The following STXBP5 variants were observed in gnomAD, a reference collection of about 807,000 sequenced individuals.
STXBP5 encodes the protein syntaxin-binding protein 5.
A neutral mutation model predicts 152.4 loss-of-function variants in STXBP5; 50 were observed. The observed-to-expected ratio is 0.33, with a 90% confidence interval of 0.26 to 0.42. The LOEUF (loss-of-function observed/expected upper bound fraction) is 0.42, where lower values mean the gene tolerates loss of function less well. STXBP5 is among the 10% of genes least tolerant of loss of function. The probability of loss-of-function intolerance (pLI) is 1.00; values close to 1 mark genes in which losing one functional copy is unlikely to be tolerated. For synonymous variants in STXBP5, 492 were observed against 494.7 expected (o/e 0.99, Z 0.07); for missense variants, 1,167 against 1,388.6 (o/e 0.84, Z 2.54).
Position 147,222,061 on chromosome 6 carries a change from TCTTTA to T in STXBP5, c.249-13185_249-13181del, listed in dbSNP as rs147722671. ...CTACTATGGAGTCTGTCAAAGGCAT[TCTTTA>T]CTTCTGTTAAAGTGTTTTTGGATTC... On this transcript the variant is annotated intron_variant, in intron 2 of 27. Coordinates refer to ENST00000321680, the MANE Select transcript of STXBP5 (RefSeq NM_001127715.4). 8.1e-3 allele frequency among the ~76,000 whole-genome samples: 1,226 copies of T among 152,292 alleles called. 18 individuals are homozygous for T. Among genetic ancestry groups the T allele is most frequent in the African/African-American group, 0.028 (1,177 of 41,544 alleles).
At chr6:147,206,102 A>G (rs1450680967) in intron 2 of STXBP5, 34 bp downstream of exon 2, 3 of 1,575,386 alleles carry the variant, frequency 1.9e-6, no homozygotes, top group South Asian at 1.1e-5. Context: ...TTTAACTTCT[A>G]CTTTGTTCTC....
intron 2 of STXBP5, among the ~76,000 whole-genome samples, chr6:147,229,129 C>T (rs886472441): frequency 1.3e-5 from 2 of 151,982 alleles, no homozygotes; most frequent in African/African-American, 2.4e-5. Flanking sequence ...TTTTCTCCTC[C>T]TGTGCTGCAT....
chr6:147,224,026 C>T (rs1350605356), intron 2 of STXBP5, among the ~76,000 whole-genome samples: 2 of 152,194 alleles, frequency 1.3e-5, no homozygotes, highest in African/African-American at 4.8e-5. Context: ...AGTTCCAGGT[C>T]TTGAGTTATG....
At chr6:147,255,723 G>A (rs554697534) in intron 4 of STXBP5, among the ~76,000 whole-genome samples, 9 of 152,064 alleles carry the variant, frequency 5.9e-5, no homozygotes, top group East Asian at 5.8e-4. Flanking sequence ...ATATTGCCCC[G>A]GGCTCATCTT....
At chr6:147,301,663 C>T (rs1781823677) in intron 9 of STXBP5, among the ~76,000 whole-genome samples, 1 of 152,174 alleles carries the variant, frequency 6.6e-6, no homozygotes, top group South Asian at 2.1e-4. Flanking sequence ...GTCTTAATCC[C>T]CAAATCTCAC....
chr6:147,253,827 G>A (rs752360097), intron 4 of STXBP5, among the ~76,000 whole-genome samples: 1 of 152,126 alleles, frequency 6.6e-6, no homozygotes. Flanking sequence ...ATTCCATGCT[G>A]ATGGATAGGA....
At position 147,204,632 on chromosome 6, in the gene STXBP5, G is replaced by A; in HGVS notation, c.100G>A (p.Glu34Lys). Residue 34 changes from glutamate to lysine, a missense_variant, in exon 1 of 28, where the codon GAG (glutamate) becomes AAG (lysine). By Grantham distance (56) the Glu-to-Lys change is moderately conservative. This residue lies in a region of STXBP5 where 310 missense variants were observed against 346.1 expected (regional missense o/e 0.90). Transcript: ENST00000321680. This position sits in a 1 kb window ranked among gnomAD's most constrained non-coding sequence, Gnocchi z 4.3. ...GCAGCAGCATCCGCCTGGGAACCGG[G>A]AGCCGGAGATCCAGGAAACGCTCCA... is the stretch of plus-strand genomic sequence containing the variant. ...QQQQHPPGNR[E>K]PEIQETLQSE... 6.2e-7 allele frequency: 1 copy of A among 1,610,826 alleles called. No individual in the cohort carries two copies. The highest frequency in any genetic ancestry group is 8.5e-7 in the Non-Finnish European group (1 of 1,178,364).
At chr6:147,209,704 C>T (rs1776751955) in intron 2 of STXBP5, among the ~76,000 whole-genome samples, 2 of 152,088 alleles carry the variant, frequency 1.3e-5, no homozygotes, top group Non-Finnish European at 2.9e-5. Flanking sequence ...ATTTGGGGCT[C>T]TACTGACATT....
In STXBP5 at chr6:147,316,380, G is replaced by T. The variant is rs1462087441; in HGVS notation, c.1775G>T (p.Gly592Val). The T allele has an allele frequency of 1.3e-6, 2 of 1,571,032 alleles. No individual in the cohort carries two copies. The change falls in exon 16 of 28, where the codon GGG (glycine) becomes GTG (valine). Residue 592 changes from glycine (G) to valine (V), a missense_variant. Gly to Val is a moderately radical substitution (Grantham distance 109). Coordinates refer to ENST00000321680, the MANE Select transcript of STXBP5 (RefSeq NM_001127715.4). ...HPSTSSSSSD[G>V]LRDNVPCLKV... ...TCTACCAGTAGCAGTTCATCTGATG[G>T]GCTTCGTGATAATGTACCTTGTTTA...
At position 147,205,371 on chromosome 6, in the gene STXBP5, C is replaced by CATATATATATATATAT. The variant is rs66619063; in HGVS notation, c.151-588_151-573dup. Reference sequence around the variant, plus strand: ...TATGTCAGAGTTAATTAAAAGTGTGCATATATATATATATATATATATATA... The same window carrying CATATATATATATATAT: ...TATGTCAGAGTTAATTAAAAGTGTGCATATATATATATATATATATATATATATATATATATATATA... On this transcript the variant is annotated intron_variant, in intron 1 of 27. Coordinates refer to ENST00000321680, the MANE Select transcript of STXBP5 (RefSeq NM_001127715.4). Among the ~76,000 whole-genome samples the CATATATATATATATAT allele has an allele frequency of 5.0e-3, 714 of 141,766 alleles. 5 individuals are homozygous for CATATATATATATATAT. Among genetic ancestry groups the CATATATATATATATAT allele is most frequent in the Non-Finnish European group, 8.0e-3 (515 of 64,652 alleles). The allele number at this position is 141,766 out of a possible 152,430, so 93.0% of individuals were successfully genotyped here.
At chr6:147,206,168 G>A (rs1409278324) in intron 2 of STXBP5, 100 bp downstream of exon 2, 5 of 990,580 alleles carry the variant, frequency 5.0e-6, no homozygotes, top group Non-Finnish European at 7.6e-6. Flanking sequence ...TTTCCTGTTG[G>A]TGTGATTAGA....
At chr6:147,368,293 A>G (rs980530296) in intron 25 of STXBP5, among the ~76,000 whole-genome samples, 5 of 152,170 alleles carry the variant, frequency 3.3e-5, no homozygotes, top group African/African-American at 9.6e-5. Context: ...GAATTCAGCA[A>G]TATATCAAAG....
intron 6 of STXBP5, among the ~76,000 whole-genome samples, chr6:147,263,076 G>A (rs1779717316): frequency 6.6e-6 from 1 of 151,910 alleles, no homozygotes; most frequent in African/African-American, 2.4e-5. Flanking sequence ...ATTTTGTGCA[G>A]GAGTTTAACC....
rs1409857265 is a variant in STXBP5, at chr6:147,300,274, CATT to C, written c.917+9103_917+9105del. Among the ~76,000 whole-genome samples, 9 of 152,128 alleles carry C rather than the reference CATT, an allele frequency of 5.9e-5. No individual in the cohort carries two copies. The East Asian group carries it at 7.7e-4, about 13-fold the overall frequency. Reference sequence around the variant, plus strand: ...TGTATTTCCTATCAAAAACCAATGACATTGTTGACAAAAATAGGAAACTTTCTA... The same window carrying C: ...TGTATTTCCTATCAAAAACCAATGACGTTGACAAAAATAGGAAACTTTCTA... On this transcript the variant is annotated intron_variant, in intron 9 of 27. Coordinates refer to ENST00000321680, the MANE Select transcript of STXBP5 (RefSeq NM_001127715.4).
chr6:147,239,347 G>A lies in STXBP5; in HGVS notation c.431+77G>A. 4 of 1,258,516 alleles carry A rather than the reference G, an allele frequency of 3.2e-6. 1 individual carries two copies. Among genetic ancestry groups the A allele is most frequent in the Middle Eastern group, 1.9e-4 (1 of 5,264 alleles). 78.0% of individuals were successfully genotyped at this position (1,258,516 alleles called of 1,614,324 possible). A position where few individuals can be genotyped will look rare whatever the true frequency, so the allele number is the denominator to read the frequency against. ...CTTGAATTTCAGTCTTTGATTTTTTGTGTGTGATGGACCTTATGCACAATC... is the reference window on the plus strand; with the variant it reads ...CTTGAATTTCAGTCTTTGATTTTTTATGTGTGATGGACCTTATGCACAATC... On this transcript the variant is annotated intron_variant, in intron 4 of 27. Coordinates refer to ENST00000321680, the MANE Select transcript of STXBP5 (RefSeq NM_001127715.4).
intron 6 of STXBP5, among the ~76,000 whole-genome samples, chr6:147,265,853 C>T (rs975205217): frequency 6.6e-6 from 1 of 151,674 alleles, no homozygotes. Flanking sequence ...TTACAGACTG[C>T]ACGATAATTC....
chr6:147,289,910 C>T (rs1462595290), intron 8 of STXBP5, among the ~76,000 whole-genome samples: 4 of 152,108 alleles, frequency 2.6e-5, no homozygotes, highest in South Asian at 2.1e-4. Context: ...TAAAAATGTT[C>T]GCTTTCCTGG....
At chr6:147,369,208 A>G (rs1270935738) in intron 25 of STXBP5, among the ~76,000 whole-genome samples, 1 of 152,070 alleles carries the variant, frequency 6.6e-6, no homozygotes, top group Non-Finnish European at 1.5e-5. Flanking sequence ...GCGCAAGGCA[A>G]TGCAATGGAG....
At chr6:147,285,397 A>C (rs997498579) in intron 8 of STXBP5, among the ~76,000 whole-genome samples, 1 of 152,138 alleles carries the variant, frequency 6.6e-6, no homozygotes, top group Admixed American at 6.5e-5. Flanking sequence ...TAGATGAATA[A>C]ATAAACCTAT....
Sources: gnomAD v4.1 joint callset for allele counts (sites outside exome capture counted in the v4.1 genomes callset) on GRCh38, gnomAD v4.1.1 for gene constraint, gnomAD v4.1.1 regional missense constraint, Gnocchi (gnomAD v3.1) non-coding constraint, MANE v1.5 for transcripts, NCBI Gene and HGNC (gene_info 2026-07-23, HGNC 2026-07-21) for gene names.